The following MMP13 variants were observed in gnomAD, a reference collection of about 807,000 sequenced individuals.
MMP13 encodes the protein matrix metallopeptidase 13.
In MMP13, 45 loss-of-function variants were observed where a neutral mutation model predicts 52.1. The ratio of observed to expected loss-of-function variants is 0.86; its 90% confidence interval spans 0.68 to 1.11. The LOEUF (loss-of-function observed/expected upper bound fraction) is 1.11. Among genes scored for constraint, MMP13 ranks in the 50% least tolerant of loss-of-function variants. The probability of loss-of-function intolerance (pLI) is 0.00; values close to 1 mark genes in which losing one functional copy is unlikely to be tolerated. For synonymous variants in MMP13, 200 were observed against 204.4 expected (o/e 0.98, Z 0.18); for missense variants, 576 against 583.8 (o/e 0.99, Z 0.14).
At chr11:102,954,020 A>G in intron 4 of MMP13, 136 bp downstream of exon 4, 2 of 988,676 alleles carry the variant, frequency 2.0e-6, no homozygotes, top group East Asian at 2.7e-5. Flanking sequence ...ACACTAATAC[A>G]TCTAAGATAA....
chr11:102,944,560 T>C (rs940219947), intron 9 of MMP13, among the ~76,000 whole-genome samples, 194 bp from the exon 10 acceptor site: 2 of 152,000 alleles, frequency 1.3e-5, no homozygotes, highest in South Asian at 2.1e-4. Flanking sequence ...TTAGTTGTTC[T>C]TTTAAGGTGT....
At position 102,948,023 on chromosome 11, in the gene MMP13, T is replaced by C; in HGVS notation, c.1079A>G (p.Tyr360Cys). ...RGRKFWALNG[Y>C]DILEGYPKKI... ...TTTGGGATAACCTTCCAGAATGTCA[T>C]AACCATTAAGAGCCCAAAATTTTCT... The change falls in exon 8 of 10, where the codon TAT becomes TGT. Residue 360 changes from tyrosine to cysteine, a missense_variant. By Grantham distance (194) the Tyr-to-Cys change is radical. Coordinates refer to ENST00000260302, the MANE Select transcript of MMP13 (RefSeq NM_002427.4). 1 of 1,613,766 alleles carries C rather than the reference T, an allele frequency of 6.2e-7. No individual in the cohort carries two copies. The highest frequency in any genetic ancestry group is 8.5e-7 in the Non-Finnish European group (1 of 1,179,822).
Position 102,949,054 on chromosome 11 carries a change from G to T in MMP13, c.1022C>A (p.Pro341His). 6.2e-7 allele frequency: 1 copy of T among 1,613,854 alleles called. No homozygotes were observed. Among genetic ancestry groups the T allele is most frequent in the Non-Finnish European group, 8.5e-7 (1 of 1,179,828 alleles). ...GAAGATGAAGATGAGGTCATGAGAAGGGTGCTCATATGCAGCATCAATACG... is the reference window on the plus strand; with the variant it reads ...GAAGATGAAGATGAGGTCATGAGAATGGTGCTCATATGCAGCATCAATACG... ...PNRIDAAYEH[P>H]SHDLIFIFRG... The change falls in exon 7 of 10, where the codon CCT (proline) becomes CAT (histidine). Residue 341 changes from proline (P) to histidine (H), a missense_variant. Transcript: ENST00000260302. This position sits in a 1 kb window ranked among gnomAD's most constrained non-coding sequence, Gnocchi z 4.2.
chr11:102,954,032 CTTTA>C (rs1253386452), intron 4 of MMP13, 120 bp downstream of exon 4: 26 of 1,142,362 alleles, frequency 2.3e-5, no homozygotes, highest in African/African-American at 4.7e-5. Flanking sequence ...CTAAGATAAA[CTTTA>C]TTTAAGAAAA....
At chr11:102,948,717 T>TGTGGAA in intron 7 of MMP13, among the ~76,000 whole-genome samples, 1 of 152,180 alleles carries the variant, frequency 6.6e-6, no homozygotes, top group Non-Finnish European at 1.5e-5. Context: ...TTCCACTTTT[T>TGTGGAA]CAGAATATAT....
chr11:102,948,083 A>C (rs782635388), intron 7 of MMP13, 33 bp from the exon 8 acceptor site: 2 of 1,597,856 alleles, frequency 1.3e-6, no homozygotes, highest in Non-Finnish European at 1.7e-6. Context: ...TCTATTATCC[A>C]AGGGAATCTA....
Position 102,949,032 on chromosome 11 carries a change from G to T in MMP13, c.1044C>A (p.Ile348=). The T allele has an allele frequency of 6.2e-7, 1 of 1,613,768 alleles. No individual in the cohort carries two copies. Among genetic ancestry groups the T allele is most frequent in the Non-Finnish European group, 8.5e-7 (1 of 1,179,758 alleles). ...YEHPSHDLIF[I]FRGRKFWALN... ...CCTCTGTGGAAAGCTTACCTCTGAA[G>T]ATGAAGATGAGGTCATGAGAAGGGT... The change falls in exon 7 of 10, where the codon ATC becomes ATA. Residue 348 remains isoleucine (I), a synonymous_variant. Coordinates refer to ENST00000260302, the MANE Select transcript of MMP13 (RefSeq NM_002427.4). The surrounding 1 kb of genome is among the most constrained non-coding windows in gnomAD (Gnocchi z 4.2).
chr11:102,945,386 A>ATCTAT, intron 9 of MMP13: 1 of 818,812 alleles, frequency 1.2e-6, no homozygotes, highest in Non-Finnish European at 1.7e-6. Flanking sequence ...GGCATCTTTA[A>ATCTAT]GCATAGATTA....
At position 102,954,585 on chromosome 11, in the gene MMP13, A is replaced by T. The variant is rs1463813227; in HGVS notation, c.384T>A (p.Asp128Glu). 6.2e-7 allele frequency: 1 copy of T among 1,613,584 alleles called. No homozygotes were observed. Among genetic ancestry groups the T allele is most frequent in the Non-Finnish European group, 8.5e-7 (1 of 1,179,652 alleles). Residue 128 changes from aspartate (D) to glutamate (E), a missense_variant, in exon 3 of 10, where the codon GAT (aspartate) becomes GAA (glutamate). Coordinates refer to ENST00000260302, the MANE Select transcript of MMP13 (RefSeq NM_002427.4). ...CCTTTTCGACTTCAGAATGAGTCAT[A>T]TCAGGGGTGTAATTCACAATTCTAT... Reference protein sequence around the residue: ...LTYRIVNYTPDMTHSEVEKAF... With the variant: ...LTYRIVNYTPEMTHSEVEKAF...
At chr11:102,950,502 GAATTTGAGA>G (rs1234169172) in intron 5 of MMP13, among the ~76,000 whole-genome samples, 4 of 151,858 alleles carry the variant, frequency 2.6e-5, no homozygotes, top group African/African-American at 4.8e-5. Context: ...AAAAGCAACA[GAATTTGAGA>G]AATTTTCCCT....
intron 8 of MMP13, among the ~76,000 whole-genome samples, chr11:102,946,738 C>A (rs1860514390): frequency 6.6e-6 from 1 of 152,112 alleles, no homozygotes; most frequent in South Asian, 2.1e-4. Flanking sequence ...CCTGACTGAA[C>A]AATATACTTC....
Position 102,954,620 on chromosome 11 carries a change from A to T in MMP13, c.363-14T>A, listed in dbSNP as rs780592061. ...TAATTCACAATTCTATTTAACAGAG[A>T]AAGTTTCAATGAACTTTTTGGAAAG... On this transcript the variant is annotated splice_polypyrimidine_tract_variant and intron_variant, in intron 2 of 9. Coordinates refer to ENST00000260302, the MANE Select transcript of MMP13 (RefSeq NM_002427.4). 15 of 1,612,656 alleles carry T rather than the reference A, an allele frequency of 9.3e-6. No homozygotes were observed. The African/African-American group carries it at 1.5e-4, about 16-fold the overall frequency.
chr11:102,953,995 A>G (rs1021579130), intron 4 of MMP13, among the ~76,000 whole-genome samples, 161 bp downstream of exon 4: 17 of 152,252 alleles, frequency 1.1e-4, no homozygotes, highest in Admixed American at 9.8e-4. Context: ...ATTTGTAGAA[A>G]TGTCACTTGT....
At position 102,944,237 on chromosome 11, in the gene MMP13, G is replaced by C. The variant is rs1555016381; in HGVS notation, c.*29C>G. ...AAGTATTACCCCAAATGCTCTTCAG[G>C]ATTTAAATAACAATTTTTAAAAAGA... On this transcript the variant is annotated 3_prime_UTR_variant, in exon 10 of 10. Coordinates refer to ENST00000260302, the MANE Select transcript of MMP13 (RefSeq NM_002427.4). The C allele has an allele frequency of 6.5e-7, 1 of 1,541,962 alleles. No homozygotes were observed. The highest frequency in any genetic ancestry group is 1.7e-5 in the Admixed American group (1 of 59,836).
intron 9 of MMP13, chr11:102,945,342 G>A: frequency 9.6e-7 from 1 of 1,039,914 alleles, no homozygotes; most frequent in Non-Finnish European, 1.2e-6. Flanking sequence ...CCACTCCACA[G>A]CCAGTTTGAA....
chr11:102,948,882 C>T, intron 7 of MMP13, 143 bp downstream of exon 7: 1 of 1,119,226 alleles, frequency 8.9e-7, no homozygotes, highest in Non-Finnish European at 1.3e-6. Flanking sequence ...GTTTCAGGTA[C>T]TTTCTGGCTT....
At position 102,944,293 on chromosome 11, in the gene MMP13, C is replaced by A. The variant is rs1350786942; in HGVS notation, c.1389G>T (p.Met463Ile). The change falls in exon 10 of 10, where the codon ATG (methionine) becomes ATT (isoleucine). Residue 463 changes from methionine to isoleucine, a missense_variant. Transcript: ENST00000260302. ...SIWSNRIVRVMPANSILWC is the reference protein window; with the variant it reads ...SIWSNRIVRVIPANSILWC The stretch of plus-strand genomic sequence containing the variant: ...AACACCACAAAATGGAATTTGCTGG[C>A]ATGACGCGAACAATACGGTTACTCC... The A allele has an allele frequency of 1.2e-6, 2 of 1,613,146 alleles. No homozygotes were observed. Among genetic ancestry groups the A allele is most frequent in the Non-Finnish European group, 1.7e-6 (2 of 1,179,460 alleles).
rs144919732 is a variant in MMP13 at position 102,952,255 on chromosome 11, G to A, written c.638-82C>T. On this transcript the variant is annotated intron_variant, in intron 4 of 9. Coordinates refer to ENST00000260302, the MANE Select transcript of MMP13 (RefSeq NM_002427.4). The surrounding 1 kb of genome is among the most constrained non-coding windows in gnomAD (Gnocchi z 4.3). Reference sequence around the variant, plus strand: ...AAAGGAATATCATTTTATCTATCTGGTATGTTTCTTTCTTGGCTATATACT... The same window carrying A: ...AAAGGAATATCATTTTATCTATCTGATATGTTTCTTTCTTGGCTATATACT... The A allele has an allele frequency of 1.7e-5, 25 of 1,479,858 alleles. No individual in the cohort carries two copies. The highest frequency in any genetic ancestry group is 1.7e-4 in the Middle Eastern group (1 of 5,760). 91.7% of individuals were successfully genotyped at this position (1,479,858 alleles called of 1,614,324 possible).
At chr11:102,951,145 T>TGG (rs35461672) in intron 5 of MMP13, among the ~76,000 whole-genome samples, 56 of 151,698 alleles carry the variant, frequency 3.7e-4, no homozygotes, top group South Asian at 6.3e-4. Context: ...ATTGAAAACT[T>TGG]GGGGGGGGAA....
Sources: gnomAD v4.1 joint callset for allele counts (sites outside exome capture counted in the v4.1 genomes callset) on GRCh38, gnomAD v4.1.1 for gene constraint, Gnocchi (gnomAD v3.1) non-coding constraint, MANE v1.5 for transcripts, NCBI Gene and HGNC (gene_info 2026-07-23, HGNC 2026-07-21) for gene names.